The following ACAT1 variants were observed in gnomAD, a reference collection of about 807,000 sequenced individuals.
The protein encoded by ACAT1 is acetyl-CoA acetyltransferase, mitochondrial.
ACAT1 carries 28 observed loss-of-function variants against 47.3 expected under a neutral mutation model. The observed-to-expected ratio is 0.59, with a 90% CI of 0.44 to 0.81. The LOEUF is 0.81. Among genes scored for constraint, ACAT1 ranks in the 30% least tolerant of loss-of-function variants. The pLI is 0.00. For synonymous variants in ACAT1, 181 were observed against 173.6 expected (o/e 1.04, Z -0.34); for missense variants, 469 against 524.3 (o/e 0.89, Z 1.03).
At chr11:108,126,819 A>C (rs1428294450) in intron 1 of ACAT1, among the ~76,000 whole-genome samples, 1 of 2,650 alleles carries the variant, frequency 3.8e-4, no homozygotes, top group African/African-American at 7.0e-4. Flanking sequence ...TTTGAGATGG[A>C]GTCTTCTCTG....
rs2077416914 is a variant in ACAT1, at chr11:108,134,210, T to C, written c.239-11T>C. ...TAAATGCCTTTTTGACTTTTTTTTT[T>C]TTTAATAAAGGGATTCCAAAAGAAG... On this transcript the variant is annotated splice_polypyrimidine_tract_variant and intron_variant, in intron 3 of 11. Transcript: ENST00000265838. 1 of 1,608,198 alleles carries C rather than the reference T, an allele frequency of 6.2e-7. No individual in the cohort carries two copies. Among genetic ancestry groups the C allele is most frequent in the East Asian group, 2.2e-5 (1 of 44,830 alleles).
At chr11:108,129,009 A>G (rs539701496) in intron 1 of ACAT1, 8 of 152,302 alleles carry the variant, frequency 5.3e-5, no homozygotes, top group Non-Finnish European at 1.0e-4. Flanking sequence ...CTGTAAACCA[A>G]TGTGTAGTCT....
chr11:108,131,453 G>T (rs930964819), intron 1 of ACAT1, among the ~76,000 whole-genome samples: 18 of 144,320 alleles, frequency 1.2e-4, no homozygotes, highest in Non-Finnish European at 2.7e-4. Context: ...CTGGGTTCAA[G>T]CTATTCTCCT....
chr11:108,144,059 G>C lies in ACAT1; in HGVS notation c.1005+12G>C. On this transcript the variant is annotated intron_variant, in intron 10 of 11. Transcript: ENST00000265838. ...ATGCTGCATCTATGGTGAGAACAAAGTGAGGGGCGATACTCCATTATGCTA... is the reference window on the plus strand; with the variant it reads ...ATGCTGCATCTATGGTGAGAACAAACTGAGGGGCGATACTCCATTATGCTA... The C allele has an allele frequency of 2.6e-6, 4 of 1,521,324 alleles. No individual in the cohort carries two copies. Among genetic ancestry groups the C allele is most frequent in the Non-Finnish European group, 3.6e-6 (4 of 1,121,856 alleles). The allele number at this position is 1,521,324 out of a possible 1,614,324, so 94.2% of individuals were successfully genotyped here.
chr11:108,127,348 T>C (rs1267938000), intron 1 of ACAT1, among the ~76,000 whole-genome samples: 2 of 150,710 alleles, frequency 1.3e-5, no homozygotes, highest in African/African-American at 4.9e-5. Flanking sequence ...TACTGCAAGC[T>C]CCACTTCCCG....
intron 6 of ACAT1, among the ~76,000 whole-genome samples, chr11:108,139,794 G>C (rs1024042924): frequency 6.6e-6 from 1 of 151,950 alleles, no homozygotes; most frequent in Non-Finnish European, 1.5e-5. Context: ...CCGAGTAGCT[G>C]GGACTACAGG....
At chr11:108,136,906 A>G (rs1274172685) in intron 5 of ACAT1, 1 of 152,196 alleles carries the variant, frequency 6.6e-6, no homozygotes, top group Non-Finnish European at 1.5e-5. Flanking sequence ...TTATGTTTAC[A>G]TTAATGTTTT....
chr11:108,147,331 C>G lies in ACAT1; in HGVS notation c.1225C>G (p.Leu409Val). 6.2e-7 allele frequency: 1 copy of G among 1,613,948 alleles called. No homozygotes were observed. The highest frequency in any genetic ancestry group is 8.5e-7 in the Non-Finnish European group (1 of 1,179,958). ...TGCCTTGAAGCAAGGAGAATACGGT[C>G]TTGCCAGTATTTGCAATGGAGGAGG... is the stretch of plus-strand genomic sequence containing the variant. ...THALKQGEYG[L>V]ASICNGGGGA... The change falls in exon 12 of 12, where the codon CTT becomes GTT. Residue 409 changes from leucine (L) to valine (V), a missense_variant. Physicochemically the swap from Leu to Val is conservative, Grantham distance 32. Transcript: ENST00000265838.
At chr11:108,144,915 A>T (rs1009021512) in intron 10 of ACAT1, among the ~76,000 whole-genome samples, 1 of 152,344 alleles carries the variant, frequency 6.6e-6, no homozygotes, top group South Asian at 2.1e-4. Flanking sequence ...AGCTACAGAC[A>T]TAGCTATATA....
In ACAT1 at chr11:108,143,997, G is replaced by T; in HGVS notation, c.955G>T (p.Ala319Ser). 1 of 1,580,140 alleles carries T rather than the reference G, an allele frequency of 6.3e-7. No homozygotes were observed. Among genetic ancestry groups the T allele is most frequent in the Non-Finnish European group, 8.6e-7 (1 of 1,164,922 alleles). ...LARIVAFADA[A>S]VEPIDFPIAP... ...TTTTTAAACAGCATTTGCTGACGCT[G>T]CTGTAGAACCTATTGATTTTCCAAT... Residue 319 changes from alanine to serine, a missense_variant, in exon 10 of 12, where the codon GCT (alanine) becomes TCT (serine). Ala to Ser is a moderately conservative substitution (Grantham distance 99). Coordinates refer to ENST00000265838, the MANE Select transcript of ACAT1 (RefSeq NM_000019.4).
intron 1 of ACAT1, among the ~76,000 whole-genome samples, chr11:108,129,701 C>T (rs1322218114): frequency 1.3e-5 from 2 of 151,992 alleles, no homozygotes; most frequent in Non-Finnish European, 2.9e-5. Context: ...TGGGTAGATA[C>T]CCAGTAGTGG....
chr11:108,145,282 G>A (rs2077681585), intron 10 of ACAT1, among the ~76,000 whole-genome samples: 1 of 152,176 alleles, frequency 6.6e-6, no homozygotes, highest in East Asian at 1.9e-4. Context: ...AATATCTGTG[G>A]CCCAGATAAC....
At chr11:108,117,752 A>G (rs1864981231), upstream of ACAT1, among the ~76,000 whole-genome samples, 1 of 152,216 alleles carries the variant, frequency 6.6e-6, no homozygotes. Flanking sequence ...ACATCTTTGT[A>G]TTATAAATAT....
intron 1 of ACAT1, among the ~76,000 whole-genome samples, chr11:108,129,513 C>T (rs577803263): frequency 5.3e-5 from 8 of 152,108 alleles, no homozygotes; most frequent in South Asian, 2.1e-4. Context: ...GGATTACAGA[C>T]GTGTGCCACC....
chr11:108,133,860 CTTTTT>C lies in ACAT1; in HGVS notation c.163_167del (p.Phe55ArgfsTer10). 6.2e-7 allele frequency: 1 copy of C among 1,614,022 alleles called. No homozygotes were observed. The highest frequency in any genetic ancestry group is 2.2e-5 in the East Asian group (1 of 44,860). On this transcript the variant is annotated frameshift_variant, in exon 3 of 12. Coordinates refer to ENST00000265838, the MANE Select transcript of ACAT1 (RefSeq NM_000019.4). LOFTEE classifies it high-confidence loss of function. ...AGTGCTACAAGAACACCCATTGGAT[CTTTTT>C]TAGGCAGCCTTTCCTTGCTGCCAGC...
chr11:108,147,179 G>A, intron 11 of ACAT1, 91 bp from the exon 12 acceptor site: 1 of 1,483,650 alleles, frequency 6.7e-7, no homozygotes. Flanking sequence ...TGGCTAGTAA[G>A]GTTTTCAAGA....
chr11:108,121,154 TCAC>T, upstream of ACAT1: 1 of 240,276 alleles, frequency 4.2e-6, no homozygotes, highest in Admixed American at 5.3e-5. Flanking sequence ...TGAGCTGTGG[TCAC>T]GTCACTGCAC....
At position 108,134,332 on chromosome 11, in the gene ACAT1, T is replaced by C. The variant is rs766216796; in HGVS notation, c.334+16T>C. On this transcript the variant is annotated intron_variant, in intron 4 of 11. Transcript: ENST00000265838. ...TTGGGTGCAGGTACCTGGAAGACTT[T>C]TTTGCTTTTATACTTAAAATGTGTA... 3.1e-6 allele frequency: 5 copies of C among 1,607,492 alleles called. No homozygotes were observed. Among genetic ancestry groups the C allele is most frequent in the Admixed American group, 1.7e-5 (1 of 59,952 alleles).
chr11:108,144,238 A>C, intron 10 of ACAT1, 191 bp downstream of exon 10: 1 of 628,164 alleles, frequency 1.6e-6, no homozygotes, highest in African/African-American at 1.8e-5. Flanking sequence ...AAAATAAAGA[A>C]CAGCTCACAA....
Sources: allele counts gnomAD v4.1 joint callset (sites outside exome capture counted in the v4.1 genomes callset), GRCh38; gene constraint gnomAD v4.1.1; transcripts MANE v1.5; gene names NCBI Gene and HGNC (gene_info 2026-07-23, HGNC 2026-07-21).